The following IMPA1 variants were observed in gnomAD, a reference collection of about 807,000 sequenced individuals.
IMPA1 encodes inositol monophosphatase 1.
IMPA1 carries 21 observed loss-of-function variants against 34.9 expected under a neutral mutation model. The ratio of observed to expected loss-of-function variants is 0.60; its 90% CI spans 0.43 to 0.87. The LOEUF is 0.87. Among genes scored for constraint, IMPA1 ranks in the 40% least tolerant of loss-of-function variants. IMPA1 has a pLI of 0.00. For missense variants in IMPA1, 299 were observed against 336.4 expected, an observed-to-expected ratio of 0.89 and a Z score of 0.87; for synonymous variants, 95 against 104.4, an observed-to-expected ratio of 0.91 and a Z score of 0.55.
chr8:81,662,260 T>C (rs1806701763), intron 7 of IMPA1, among the ~76,000 whole-genome samples: 1 of 152,220 alleles, frequency 6.6e-6, no homozygotes, highest in African/African-American at 2.4e-5. Context: ...CCATGAGATA[T>C]GTGATATTTG....
At chr8:81,670,842 T>A in intron 7 of IMPA1, 97 bp downstream of exon 7, 3 of 593,956 alleles carry the variant, frequency 5.1e-6, no homozygotes, top group Non-Finnish European at 5.9e-6. Context: ...AACCATGATG[T>A]ATATAATTTA....
chr8:81,680,641 T>A lies in IMPA1; in HGVS notation c.197+9A>T, dbSNP rs778325913. 6 of 1,598,464 alleles carry A rather than the reference T, an allele frequency of 3.8e-6. No homozygotes were observed. In the East Asian group the frequency reaches 1.3e-4, roughly 36 times the overall value. ...ATAAACATTTCTTGTACACAGTAAA[T>A]AAAAATACCTGTGAGATGGATACTT... On this transcript the variant is annotated intron_variant, in intron 3 of 8. Coordinates refer to ENST00000256108, the MANE Select transcript of IMPA1 (RefSeq NM_005536.4).
chr8:81,659,266 A>G lies in IMPA1; in HGVS notation c.*85T>C. The G allele has an allele frequency of 1.3e-6, 1 of 788,894 alleles. No individual in the cohort carries two copies. The highest frequency in any genetic ancestry group is 2.3e-6 in the Non-Finnish European group (1 of 444,410). 48.9% of individuals were successfully genotyped at this position (788,894 alleles called of 1,614,324 possible). On this transcript the variant is annotated 3_prime_UTR_variant, in exon 9 of 9. Transcript: ENST00000256108. ...TGGACAAAGAGAATTTAAACCAAGC[A>G]TATCATACATCCAAAACACATATCC...
intron 7 of IMPA1, among the ~76,000 whole-genome samples, chr8:81,662,452 T>A (rs931581888): frequency 2.0e-5 from 3 of 152,216 alleles, no homozygotes; most frequent in African/African-American, 7.2e-5. Flanking sequence ...AAGAGAATAT[T>A]CTTTTATGGA....
chr8:81,673,033 T>C (rs1807034015), intron 6 of IMPA1, among the ~76,000 whole-genome samples: 1 of 152,168 alleles, frequency 6.6e-6, no homozygotes. Flanking sequence ...TCCCATTTAA[T>C]TCCTAAATAA....
chr8:81,685,102 CTA>C (rs1420273903), intron 1 of IMPA1, among the ~76,000 whole-genome samples: 1 of 126,872 alleles, frequency 7.9e-6, no homozygotes, highest in Non-Finnish European at 1.6e-5. Flanking sequence ...TATTTAGATA[CTA>C]TATATAGTAT....
At chr8:81,685,689 T>C (rs1807495790) in intron 1 of IMPA1, 1 of 610,960 alleles carries the variant, frequency 1.6e-6, no homozygotes. Flanking sequence ...TATAGTTATA[T>C]ATAATATATG....
chr8:81,671,759 T>C (rs1806994025), intron 6 of IMPA1, among the ~76,000 whole-genome samples: 1 of 152,028 alleles, frequency 6.6e-6, no homozygotes, highest in South Asian at 2.1e-4. Flanking sequence ...TAGTTGGGCA[T>C]GGTGGTGCGC....
chr8:81,679,072 G>C, intron 4 of IMPA1, 54 bp downstream of exon 4: 1 of 1,140,372 alleles, frequency 8.8e-7, no homozygotes, highest in Non-Finnish European at 1.3e-6. Flanking sequence ...AGTATCTATA[G>C]GTCAATCCAG....
At chr8:81,672,318 G>A (rs73695828) in intron 6 of IMPA1, among the ~76,000 whole-genome samples, 4,045 of 152,264 alleles carry the variant, frequency 0.027, 207 homozygotes, top group African/African-American at 0.092. Context: ...TTAATCTGCA[G>A]AATGCCAGTA....
intron 1 of IMPA1, among the ~76,000 whole-genome samples, chr8:81,681,837 A>T (rs189261172): frequency 4.5e-3 from 683 of 152,316 alleles, no homozygotes; most frequent in Non-Finnish European, 7.6e-3. Context: ...ACATTTTTTT[A>T]AAAAACCAAA....
chr8:81,666,643 G>A (rs1806830142), intron 7 of IMPA1, among the ~76,000 whole-genome samples: 1 of 152,154 alleles, frequency 6.6e-6, no homozygotes, highest in Non-Finnish European at 1.5e-5. Context: ...GGAGGCAGAG[G>A]TGGGTGGATC....
At chr8:81,659,514 A>G (rs775811695) in intron 8 of IMPA1, 48 bp from the exon 9 acceptor site, 2 of 1,040,060 alleles carry the variant, frequency 1.9e-6, no homozygotes, top group Admixed American at 3.6e-5. Flanking sequence ...TACAAAAATA[A>G]TTCATATAAA....
chr8:81,678,659 C>T (rs1486001330), intron 4 of IMPA1: 2 of 188,016 alleles, frequency 1.1e-5, no homozygotes, highest in African/African-American at 4.8e-5. Flanking sequence ...GCCATTGCAT[C>T]TCAGCCTGGC....
chr8:81,672,041 A>T (rs1807002299), intron 6 of IMPA1, among the ~76,000 whole-genome samples: 1 of 152,212 alleles, frequency 6.6e-6, no homozygotes, highest in Admixed American at 6.5e-5. Context: ...CATCTAGAAA[A>T]ATAAGAATGC....
chr8:81,684,883 ATAGTAT>A (rs1460875555), intron 1 of IMPA1, among the ~76,000 whole-genome samples: 3 of 107,960 alleles, frequency 2.8e-5, no homozygotes, highest in African/African-American at 1.2e-4. Context: ...GATACTATGT[ATAGTAT>A]ATATACTATA....
At chr8:81,685,469 C>T (rs1256916566) in intron 1 of IMPA1, among the ~76,000 whole-genome samples, 1 of 140,462 alleles carries the variant, frequency 7.1e-6, no homozygotes, top group Non-Finnish European at 1.5e-5. Flanking sequence ...AGTATATATA[C>T]CTAAGTATAT....
chr8:81,666,663 C>G (rs1037509901), intron 7 of IMPA1, among the ~76,000 whole-genome samples: 1 of 152,050 alleles, frequency 6.6e-6, no homozygotes, highest in Non-Finnish European at 1.5e-5. Flanking sequence ...CACTTGAGGT[C>G]AGGAGTTCCA....
intron 6 of IMPA1, among the ~76,000 whole-genome samples, chr8:81,671,902 GA>G (rs1806999140): frequency 6.6e-6 from 1 of 151,684 alleles, no homozygotes; most frequent in Admixed American, 6.6e-5. Flanking sequence ...GTCTCGGGAG[GA>G]AAAAAAATAA....
Sources: allele counts gnomAD v4.1 joint callset (sites outside exome capture counted in the v4.1 genomes callset), GRCh38; gene constraint gnomAD v4.1.1; transcripts MANE v1.5; gene names NCBI Gene and HGNC (gene_info 2026-07-23, HGNC 2026-07-21).